Variants in GRIN2A observed in about 807,000 individuals in gnomAD.
The protein encoded by GRIN2A is glutamate receptor ionotropic, NMDA 2A.
GRIN2A carries 22 observed loss-of-function variants against 113.4 expected under a neutral mutation model. That is an observed-to-expected ratio of 0.19 (90% CI 0.14 to 0.28). The LOEUF is 0.28. GRIN2A is among the 10% of genes least tolerant of loss of function. The pLI is 1.00. For synonymous variants in GRIN2A, 827 were observed against 738.4 expected, an observed-to-expected ratio of 1.12 and a Z score of -1.94; for missense variants, 1,502 against 1,887.0, an observed-to-expected ratio of 0.80 and a Z score of 3.78.
chr16:9,928,165 GC>G (rs1411376759), intron 3 of GRIN2A, among the ~76,000 whole-genome samples: 1 of 152,188 alleles, frequency 6.6e-6, no homozygotes, highest in Non-Finnish European at 1.5e-5. Context: ...CTGGACGGGG[GC>G]TCATTCACAC....
At chr16:9,897,931 G>T (rs773712021) in intron 3 of GRIN2A, among the ~76,000 whole-genome samples, 1 of 151,876 alleles carries the variant, frequency 6.6e-6, no homozygotes, top group African/African-American at 2.4e-5. Flanking sequence ...ATGAATAAAA[G>T]AATAACTTGC....
intron 5 of GRIN2A, among the ~76,000 whole-genome samples, chr16:9,845,331 T>G (rs1374557230): frequency 6.6e-6 from 1 of 152,220 alleles, no homozygotes; most frequent in East Asian, 1.9e-4. Context: ...GGGATCTACT[T>G]GTTTTCAGCT....
At chr16:9,814,862 A>C (rs758393172) in intron 10 of GRIN2A, among the ~76,000 whole-genome samples, 29 of 152,200 alleles carry the variant, frequency 1.9e-4, no homozygotes, top group Non-Finnish European at 4.1e-4. Context: ...TCTACTAAAA[A>C]ATACAAAATT....
intron 2 of GRIN2A, among the ~76,000 whole-genome samples, chr16:10,170,343 G>A (rs777123039): frequency 4.6e-5 from 7 of 152,192 alleles, no homozygotes; most frequent in Admixed American, 3.3e-4. Flanking sequence ...ACTATTGAGA[G>A]AGGTTGGTCA....
chr16:10,003,461 A>C (rs2046355350), intron 2 of GRIN2A, among the ~76,000 whole-genome samples: 1 of 152,224 alleles, frequency 6.6e-6, no homozygotes, highest in Non-Finnish European at 1.5e-5. Context: ...AAAGATTAAT[A>C]AAAAGAGAAA....
intron 10 of GRIN2A, among the ~76,000 whole-genome samples, chr16:9,821,161 G>A (rs755623148): frequency 1.9e-4 from 29 of 152,078 alleles, no homozygotes; most frequent in Admixed American, 3.9e-4. Context: ...AAGCCACAAG[G>A]AGAATGCACC....
chr16:9,797,409 C>T (rs1053313095), intron 11 of GRIN2A, among the ~76,000 whole-genome samples: 3 of 152,218 alleles, frequency 2.0e-5, no homozygotes, highest in Non-Finnish European at 2.9e-5. Flanking sequence ...CAGGAAACCC[C>T]GGGCTATAGT....
In GRIN2A at chr16:9,841,124, G is replaced by C. The variant is rs750963666; in HGVS notation, c.1329-20C>G. The C allele has an allele frequency of 1.2e-6, 2 of 1,602,304 alleles. No individual in the cohort carries two copies. The highest frequency in any genetic ancestry group is 1.7e-6 in the Non-Finnish European group (2 of 1,169,468). Reference sequence around the variant, plus strand: ...GAATTGCTGTAAAGAAAAACCCCAAGACCACAGAATGTTAGCACTGGAAGG... The same window carrying C: ...GAATTGCTGTAAAGAAAAACCCCAACACCACAGAATGTTAGCACTGGAAGG... On this transcript the variant is annotated intron_variant, in intron 5 of 12. Coordinates refer to ENST00000330684, the MANE Select transcript of GRIN2A (RefSeq NM_001134407.3).
intron 11 of GRIN2A, among the ~76,000 whole-genome samples, chr16:9,777,272 GA>G (rs958079405): frequency 7.3e-5 from 11 of 150,792 alleles, no homozygotes; most frequent in African/African-American, 2.7e-4. Context: ...TGACAAATAA[GA>G]AAAAAAAATG....
chr16:9,980,611 G>T (rs1438109704), intron 2 of GRIN2A, among the ~76,000 whole-genome samples: 1 of 152,052 alleles, frequency 6.6e-6, no homozygotes, highest in Non-Finnish European at 1.5e-5. Context: ...TGATAGACTA[G>T]ATTAAGAAAA....
At chr16:10,170,716 A>G (rs2050024496) in intron 2 of GRIN2A, among the ~76,000 whole-genome samples, 2 of 152,158 alleles carry the variant, frequency 1.3e-5, no homozygotes, top group Admixed American at 1.3e-4. Flanking sequence ...GTCTCTACCA[A>G]AAATTTAAAA....
intron 2 of GRIN2A, among the ~76,000 whole-genome samples, chr16:10,037,677 G>A (rs528100869): frequency 1.3e-5 from 2 of 152,246 alleles, no homozygotes; most frequent in East Asian, 1.9e-4. Context: ...CCAGGCTGGT[G>A]TGCAGCGGAG....
intron 10 of GRIN2A, among the ~76,000 whole-genome samples, chr16:9,804,362 C>A (rs1443749131): frequency 6.6e-6 from 1 of 151,996 alleles, no homozygotes; most frequent in Admixed American, 6.5e-5. Context: ...TCCTTAGAAC[C>A]AAGAGCATCC....
intron 11 of GRIN2A, among the ~76,000 whole-genome samples, chr16:9,788,168 A>C (rs1396818514): frequency 6.7e-6 from 1 of 148,780 alleles, no homozygotes; most frequent in East Asian, 2.0e-4. Flanking sequence ...TACCTCTCCC[A>C]CTCCTTCTTT....
At chr16:10,022,955 C>G (rs2046752640) in intron 2 of GRIN2A, among the ~76,000 whole-genome samples, 1 of 152,088 alleles carries the variant, frequency 6.6e-6, no homozygotes, top group Admixed American at 6.6e-5. Context: ...CCAATGTCTA[C>G]CAGGGATAAA....
chr16:10,066,627 A>T (rs1211318636), intron 2 of GRIN2A, among the ~76,000 whole-genome samples: 3 of 152,176 alleles, frequency 2.0e-5, no homozygotes, highest in Non-Finnish European at 4.4e-5. Context: ...TCCACCCAGG[A>T]TCTATCACTC....
chr16:10,179,789 T>G, intron 2 of GRIN2A: 1 of 602,348 alleles, frequency 1.7e-6, no homozygotes, highest in Non-Finnish European at 3.0e-6. Flanking sequence ...GTGTACACCA[T>G]TTTCAGAAAC....
At chr16:10,015,252 C>CAAAAAAAAAAAAAAAAAAAA (rs200124835) in intron 2 of GRIN2A, among the ~76,000 whole-genome samples, 14 of 19,292 alleles carry the variant, frequency 7.3e-4, no homozygotes, top group African/African-American at 1.2e-3. Flanking sequence ...GACTTCATCT[C>CAAAAAAAAAAAAAAAAAAAA]AAAAAAAAAA....
chr16:10,168,627 T>C (rs1400507218), intron 2 of GRIN2A, among the ~76,000 whole-genome samples: 2 of 152,176 alleles, frequency 1.3e-5, no homozygotes, highest in East Asian at 1.9e-4. Context: ...AGAGACCTAA[T>C]TGCCGAAGCT....
Sources: allele counts gnomAD v4.1 joint callset (sites outside exome capture counted in the v4.1 genomes callset), GRCh38; gene constraint gnomAD v4.1.1; transcripts MANE v1.5; gene names NCBI Gene and HGNC (gene_info 2026-07-23, HGNC 2026-07-21).